Variants in ANGPT2 observed in about 807,000 individuals in gnomAD.
The protein encoded by ANGPT2 is angiopoietin 2, also known as angiopoietin-2.
In ANGPT2, 28 loss-of-function variants were observed where a neutral mutation model predicts 62.9. The ratio of observed to expected loss-of-function variants is 0.44; its 90% CI spans 0.33 to 0.61. The LOEUF is 0.61. Ranked by LOEUF, ANGPT2 falls within the 20% of genes least tolerant of loss-of-function variation. The pLI is 0.03. For missense variants in ANGPT2, 727 were observed against 594.9 expected, an observed-to-expected ratio of 1.22 and a Z score of -2.31; for synonymous variants, 284 against 207.8, an observed-to-expected ratio of 1.37 and a Z score of -3.15.
chr8:6,560,604 C>T (rs1382457229), intron 1 of ANGPT2, among the ~76,000 whole-genome samples: 1 of 152,110 alleles, frequency 6.6e-6, no homozygotes, highest in Admixed American at 6.5e-5. Context: ...AAAAGATAAA[C>T]ATTAAGTCAT....
rs767957754 is a variant in ANGPT2 at position 6,499,955 on chromosome 8, G to A, written c.*3146C>T. The A allele has an allele frequency of 6.3e-7, 1 of 1,587,746 alleles. No individual in the cohort carries two copies. Among genetic ancestry groups the A allele is most frequent in the Non-Finnish European group, 8.6e-7 (1 of 1,156,364 alleles). On this transcript the variant is annotated 3_prime_UTR_variant, in exon 9 of 9. Coordinates refer to ENST00000629816, the MANE Select transcript of ANGPT2 (RefSeq NM_001118887.2). ...GTAAGTCAGATGTTGTTTTACGATG[G>A]TAAATGCAGTTTGCTGTTCTCAAGA...
chr8:6,539,044 TG>T (rs1821023333), intron 1 of ANGPT2, among the ~76,000 whole-genome samples: 1 of 152,080 alleles, frequency 6.6e-6, no homozygotes, highest in Non-Finnish European at 1.5e-5. Flanking sequence ...TGTGTGTGTG[TG>T]TGTGTTTATT....
intron 1 of ANGPT2, among the ~76,000 whole-genome samples, chr8:6,557,800 A>T (rs1304214570): frequency 1.3e-5 from 2 of 152,044 alleles, no homozygotes; most frequent in African/African-American, 4.8e-5. Context: ...GTGAACAGCT[A>T]ATTGGAAAAC....
intron 8 of ANGPT2, chr8:6,507,818 G>C (rs1318227752): frequency 7.0e-6 from 1 of 143,494 alleles, no homozygotes; most frequent in Admixed American, 6.9e-5. Context: ...CCTAACTTCA[G>C]GTGATCCGCC....
intron 1 of ANGPT2, among the ~76,000 whole-genome samples, chr8:6,536,515 T>G (rs1490423358): frequency 6.6e-6 from 1 of 152,140 alleles, no homozygotes; most frequent in Non-Finnish European, 1.5e-5. Context: ...GGAGGGCCAT[T>G]TTTACCACCA....
chr8:6,529,734 G>A (rs1287142544), intron 2 of ANGPT2, among the ~76,000 whole-genome samples: 4 of 150,752 alleles, frequency 2.7e-5, no homozygotes, highest in Non-Finnish European at 5.9e-5. Context: ...CAAAGTGCTA[G>A]GATTATAGAT....
chr8:6,528,769 C>T (rs1025004548), intron 2 of ANGPT2, among the ~76,000 whole-genome samples: 1 of 152,218 alleles, frequency 6.6e-6, no homozygotes. Context: ...AACCGGAGAC[C>T]TTGAAAGAAT....
chr8:6,508,244 G>C (rs1228039205), intron 8 of ANGPT2: 1 of 152,386 alleles, frequency 6.6e-6, no homozygotes, highest in Non-Finnish European at 1.5e-5. Context: ...GAGGTCAGCA[G>C]TTCGAGACCA....
Position 6,505,326 on chromosome 8 carries a change from TACATATAGAA to T in ANGPT2, c.1328-2075_1328-2066del, listed in dbSNP as rs1563306109. ...ATGTATATAACATATATATGTTATA[TACATATAGAA>T]AGAATATATATATTCTTTCTATATG... On this transcript the variant is annotated intron_variant, in intron 8 of 8. Coordinates refer to ENST00000629816, the MANE Select transcript of ANGPT2 (RefSeq NM_001118887.2). Among the ~76,000 whole-genome samples the T allele has an allele frequency of 2.2e-3, 189 of 84,792 alleles. 33 individuals are homozygous for T. Among genetic ancestry groups the T allele is most frequent in the African/African-American group, 0.013 (174 of 13,146 alleles). 55.6% of individuals were successfully genotyped at this position (84,792 alleles called of 152,430 possible). A position where few individuals can be genotyped will look rare whatever the true frequency, so the allele number is the denominator to read the frequency against.
At chr8:6,503,662 C>G (rs375790776) in intron 8 of ANGPT2, among the ~76,000 whole-genome samples, 3 of 152,202 alleles carry the variant, frequency 2.0e-5, no homozygotes, top group African/African-American at 4.8e-5. Flanking sequence ...TGGACTCGCT[C>G]AGGCTCCCCT....
In ANGPT2 at chr8:6,502,916, G is replaced by GT. The variant is rs1563299850; in HGVS notation, c.*184dup. Reference sequence around the variant, plus strand: ...GATGTTTAGGGTCTTGCTTTGGTCCGTTAAGTGATGCAAGTTTAAGTGATA... The same window carrying GT: ...GATGTTTAGGGTCTTGCTTTGGTCCGTTTAAGTGATGCAAGTTTAAGTGATA... On this transcript the variant is annotated 3_prime_UTR_variant, in exon 9 of 9. Coordinates refer to ENST00000629816, the MANE Select transcript of ANGPT2 (RefSeq NM_001118887.2). 1.6e-6 allele frequency: 1 copy of GT among 641,924 alleles called. No individual in the cohort carries two copies. Among genetic ancestry groups the GT allele is most frequent in the African/African-American group, 1.8e-5 (1 of 54,368 alleles). 39.8% of individuals were successfully genotyped at this position (641,924 alleles called of 1,614,324 possible).
intron 8 of ANGPT2, among the ~76,000 whole-genome samples, chr8:6,503,857 C>G (rs1490530002): frequency 1.3e-5 from 2 of 152,080 alleles, no homozygotes. Flanking sequence ...GGAGTGAAGC[C>G]CCATCTGCAC....
chr8:6,557,772 G>A (rs959604380), intron 1 of ANGPT2, among the ~76,000 whole-genome samples: 9 of 151,792 alleles, frequency 5.9e-5, no homozygotes, highest in Admixed American at 5.2e-4. Context: ...ATTAAGTACC[G>A]TAAACATCCT....
chr8:6,557,020 A>AC, intron 1 of ANGPT2, among the ~76,000 whole-genome samples: 1 of 152,110 alleles, frequency 6.6e-6, no homozygotes, highest in Admixed American at 6.5e-5. Context: ...CAAACTGGAA[A>AC]CCCCACCTAG....
intron 2 of ANGPT2, among the ~76,000 whole-genome samples, chr8:6,528,834 G>A (rs1368463027): frequency 4.6e-5 from 7 of 152,234 alleles, no homozygotes; most frequent in African/African-American, 1.4e-4. Context: ...GGTCCACAGC[G>A]TGGGTTTCAG....
chr8:6,503,322 AC>A lies in ANGPT2; in HGVS notation c.1328-62del, dbSNP rs542346195. ...GGTGATGCCAGCTCCCACCACGAAG[AC>A]AGCAATACTCAGCTAAGGCAGGAGG... On this transcript the variant is annotated intron_variant, in intron 8 of 8. Coordinates refer to ENST00000629816, the MANE Select transcript of ANGPT2 (RefSeq NM_001118887.2). 4.7e-5 allele frequency: 74 copies of A among 1,582,614 alleles called. No individual in the cohort carries two copies. The African/African-American group carries it at 9.4e-4, about 20-fold the overall frequency.
intron 1 of ANGPT2, among the ~76,000 whole-genome samples, chr8:6,550,101 G>T (rs1322105663): frequency 2.0e-5 from 3 of 152,198 alleles, no homozygotes; most frequent in African/African-American, 4.8e-5. Flanking sequence ...GTCTTCAAAA[G>T]AATTACATTT....
Position 6,532,348 on chromosome 8 carries a change from G to T in ANGPT2, c.428C>A (p.Thr143Asn). 6.2e-7 allele frequency: 1 copy of T among 1,614,096 alleles called. No homozygotes were observed. The highest frequency in any genetic ancestry group is 8.5e-7 in the Non-Finnish European group (1 of 1,180,020). ...ATTACTTACTTGGGCTTCCACATCAGTTAACTTCCGCGTTTGCTCCGCTGT... is the reference window on the plus strand; with the variant it reads ...ATTACTTACTTGGGCTTCCACATCATTTAACTTCCGCGTTTGCTCCGCTGT... ...NQTAEQTRKL[T>N]DVEAQVLNQT... is the part of the protein sequence containing the mutation. Residue 143 changes from threonine to asparagine, a missense_variant, in exon 2 of 9, where the codon ACT becomes AAT. By Grantham distance (65) the Thr-to-Asn change is moderately conservative (BLOSUM62 0). Coordinates refer to ENST00000629816, the MANE Select transcript of ANGPT2 (RefSeq NM_001118887.2).
At chr8:6,504,028 A>G (rs1204347377) in intron 8 of ANGPT2, among the ~76,000 whole-genome samples, 1 of 152,288 alleles carries the variant, frequency 6.6e-6, no homozygotes, top group South Asian at 2.1e-4. Context: ...GAAATATTCT[A>G]TAAGCAGGGG....
Sources: gnomAD v4.1 joint callset for allele counts (sites outside exome capture counted in the v4.1 genomes callset) on GRCh38, gnomAD v4.1.1 for gene constraint, MANE v1.5 for transcripts, NCBI Gene and HGNC (gene_info 2026-07-23, HGNC 2026-07-21) for gene names.